Variants in HDAC4 observed in about 807,000 individuals in gnomAD.
HDAC4 encodes the protein histone deacetylase 4.
A neutral mutation model predicts 135.1 loss-of-function variants in HDAC4; 16 were observed. The ratio of observed to expected loss-of-function variants is 0.12; its 90% confidence interval spans 0.08 to 0.18. HDAC4 has a LOEUF of 0.18. Ranked by LOEUF, HDAC4 falls within the 10% of genes least tolerant of loss-of-function variation. The pLI is 1.00. For synonymous variants in HDAC4, 685 were observed against 653.4 expected (o/e 1.05, Z -0.74); for missense variants, 1,143 against 1,511.8 (o/e 0.76, Z 4.05).
At chr2:239,095,920 G>A (rs991602853) in intron 16 of HDAC4, among the ~76,000 whole-genome samples, 2 of 152,140 alleles carry the variant, frequency 1.3e-5, no homozygotes, top group Non-Finnish European at 2.9e-5. Flanking sequence ...GCTGGAGCTG[G>A]AGTGACATCT....
chr2:239,281,341 G>A (rs1341699481), intron 2 of HDAC4, among the ~76,000 whole-genome samples: 1 of 97,234 alleles, frequency 1.0e-5, no homozygotes, highest in African/African-American at 3.6e-5. Flanking sequence ...TGCAAACAAT[G>A]TACACACCAC....
intron 19 of HDAC4, chr2:239,085,691 T>G (rs1170831753): frequency 6.6e-6 from 1 of 152,294 alleles, no homozygotes; most frequent in Non-Finnish European, 1.5e-5. Flanking sequence ...CATCCCTCCC[T>G]GGCGGTTACA....
At chr2:239,083,331 G>A (rs1229598644) in intron 20 of HDAC4, among the ~76,000 whole-genome samples, 1 of 152,220 alleles carries the variant, frequency 6.6e-6, no homozygotes, top group Non-Finnish European at 1.5e-5. Context: ...AGCTGAGGGA[G>A]GGCTCCCGGC....
chr2:239,152,102 G>A (rs574945415), intron 7 of HDAC4, among the ~76,000 whole-genome samples: 3 of 152,216 alleles, frequency 2.0e-5, no homozygotes, highest in Non-Finnish European at 4.4e-5. Flanking sequence ...TCACGATGAA[G>A]ATGTTACTGG....
At chr2:239,361,210 G>A (rs1485510147) in intron 1 of HDAC4, among the ~76,000 whole-genome samples, 1 of 152,208 alleles carries the variant, frequency 6.6e-6, no homozygotes, top group Non-Finnish European at 1.5e-5. Context: ...CACACAGTAG[G>A]CACACAACAA....
intron 11 of HDAC4, among the ~76,000 whole-genome samples, chr2:239,130,326 G>A (rs953398406): frequency 3.3e-5 from 5 of 152,162 alleles, no homozygotes; most frequent in African/African-American, 9.7e-5. Flanking sequence ...CCTGGGACTC[G>A]CTGTTTTTTG....
chr2:239,065,630 G>C (rs1262813083), intron 24 of HDAC4, among the ~76,000 whole-genome samples: 1 of 152,188 alleles, frequency 6.6e-6, no homozygotes, highest in Non-Finnish European at 1.5e-5. Flanking sequence ...GGCTGGGGAG[G>C]GCAGTCCCAG....
At chr2:239,276,997 C>G (rs947517653) in intron 2 of HDAC4, among the ~76,000 whole-genome samples, 4 of 152,168 alleles carry the variant, frequency 2.6e-5, no homozygotes, top group African/African-American at 9.7e-5. Context: ...CTGCTCTGTG[C>G]AGCCCCTTTC....
At chr2:239,363,685 T>C (rs555569507) in intron 1 of HDAC4, among the ~76,000 whole-genome samples, 1 of 152,228 alleles carries the variant, frequency 6.6e-6, no homozygotes. Context: ...GATAGACAGA[T>C]GTTAAAAAGG....
At chr2:239,084,884 C>A (rs1157426350) in intron 19 of HDAC4, among the ~76,000 whole-genome samples, 3 of 148,738 alleles carry the variant, frequency 2.0e-5, no homozygotes, top group African/African-American at 7.5e-5. Flanking sequence ...CCATACCCAC[C>A]CCCCCCACGT....
At chr2:239,101,032 T>C (rs919916701) in intron 16 of HDAC4, among the ~76,000 whole-genome samples, 1 of 152,154 alleles carries the variant, frequency 6.6e-6, no homozygotes, top group East Asian at 1.9e-4. Context: ...GCCTCTGCAG[T>C]TGCTGAGCCT....
intron 2 of HDAC4, among the ~76,000 whole-genome samples, chr2:239,283,969 A>G (rs1575607309): frequency 6.6e-6 from 1 of 152,340 alleles, no homozygotes; most frequent in Middle Eastern, 3.4e-3. Context: ...CGGGATCTAC[A>G]GCGGTGAGGC....
At chr2:239,373,631 T>C (rs933235351) in intron 1 of HDAC4, among the ~76,000 whole-genome samples, 8 of 152,088 alleles carry the variant, frequency 5.3e-5, no homozygotes, top group African/African-American at 1.9e-4. Context: ...GCCCAGCTAA[T>C]TTTTGTATTT....
rs529678126 is a variant in HDAC4, at chr2:239,306,409, C to T, written c.22+46269G>A. ...ACCTCAGAGGCCACCTGGCCAGGCC[C>T]CATCCACGGATGTGTCCCTGCCCAG... On this transcript the variant is annotated intron_variant, in intron 2 of 26. Coordinates refer to ENST00000543185, the MANE Select transcript of HDAC4 (RefSeq NM_001378414.1). The surrounding 1 kb of genome is among the most constrained non-coding windows in gnomAD (Gnocchi z 4.5). Among the ~76,000 whole-genome samples the T allele has an allele frequency of 6.6e-6, 1 of 152,250 alleles. No individual in the cohort carries two copies. The highest frequency in any genetic ancestry group is 1.5e-5 in the Non-Finnish European group (1 of 68,016).
intron 2 of HDAC4, among the ~76,000 whole-genome samples, chr2:239,335,322 A>G (rs1369037748): frequency 6.6e-6 from 1 of 151,916 alleles, no homozygotes; most frequent in African/African-American, 2.4e-5. Context: ...GGCCAACTGA[A>G]TTTCCAAACG....
intron 7 of HDAC4, among the ~76,000 whole-genome samples, 157 bp downstream of exon 7, chr2:239,156,495 C>A (rs2152950539): frequency 6.6e-6 from 1 of 152,344 alleles, no homozygotes; most frequent in Non-Finnish European, 1.5e-5. Context: ...TTAGGGATAT[C>A]TTTTAAAAAC....
intron 2 of HDAC4, among the ~76,000 whole-genome samples, chr2:239,277,435 C>T (rs1388722442): frequency 1.3e-5 from 2 of 152,212 alleles, no homozygotes; most frequent in East Asian, 3.8e-4. Flanking sequence ...TGGGCCACCA[C>T]CCTGGGAGTA....
intron 2 of HDAC4, among the ~76,000 whole-genome samples, chr2:239,274,270 C>T (rs777452897): frequency 2.0e-5 from 3 of 152,356 alleles, no homozygotes; most frequent in African/African-American, 4.8e-5. Flanking sequence ...GAAGGTTACA[C>T]CCTCCCAGCT....
At chr2:239,276,636 C>T (rs2125305347) in intron 2 of HDAC4, among the ~76,000 whole-genome samples, 1 of 152,232 alleles carries the variant, frequency 6.6e-6, no homozygotes, top group East Asian at 1.9e-4. Context: ...TTGCCTGCTG[C>T]CTGGACACTG....
Sources: allele counts gnomAD v4.1 joint callset (sites outside exome capture counted in the v4.1 genomes callset), GRCh38; gene constraint gnomAD v4.1.1; non-coding constraint Gnocchi (gnomAD v3.1); transcripts MANE v1.5; gene names NCBI Gene and HGNC (gene_info 2026-07-23, HGNC 2026-07-21).